CEP120: variants seen among roughly 807,000 people sequenced by gnomAD.
CEP120 encodes centrosomal protein 120.
In CEP120, 113 loss-of-function variants were observed where a neutral mutation model predicts 126.5. The ratio of observed to expected loss-of-function variants is 0.89; its 90% confidence interval spans 0.77 to 1.04. The LOEUF (loss-of-function observed/expected upper bound fraction) is 1.04, where lower values mean the gene tolerates loss of function less well. CEP120 is among the 50% of genes least tolerant of loss of function. CEP120 has a pLI of 0.00. For missense variants in CEP120, 1,230 were observed against 1,155.7 expected, an observed-to-expected ratio of 1.06 and a Z score of -0.93; for synonymous variants, 400 against 394.3, an observed-to-expected ratio of 1.01 and a Z score of -0.17.
intron 5 of CEP120, among the ~76,000 whole-genome samples, chr5:123,396,029 G>T (rs1418839641): frequency 7.0e-6 from 1 of 142,686 alleles, no homozygotes; most frequent in Admixed American, 7.4e-5. Context: ...TGGAGGTCTC[G>T]CTATGTTGCC....
intron 4 of CEP120, chr5:123,401,457 G>A (rs1773230458): frequency 1.5e-6 from 2 of 1,293,418 alleles, no homozygotes; most frequent in Non-Finnish European, 2.2e-6. Flanking sequence ...TTATCCCCAT[G>A]CTTCCCAGCC....
At chr5:123,385,933 A>G (rs1172042150) in intron 10 of CEP120, among the ~76,000 whole-genome samples, 1 of 152,106 alleles carries the variant, frequency 6.6e-6, no homozygotes, top group Non-Finnish European at 1.5e-5. Context: ...ACCACTTTCT[A>G]TGCAATAAAA....
rs560520072 is a variant in CEP120, at chr5:123,376,875, G to A, written c.2358+499C>T. Among the ~76,000 whole-genome samples the A allele has an allele frequency of 3.5e-3, 527 of 152,200 alleles. 3 individuals are homozygous for A. Among genetic ancestry groups the A allele is most frequent in the Non-Finnish European group, 6.3e-3 (431 of 67,988 alleles). On this transcript the variant is annotated intron_variant, in intron 16 of 19. Transcript: ENST00000306467. ...CTTGGAGGAAGTCCAACATGTAACG[G>A]CTAAAGGAAGACAAGCCTGCAAAAG...
At chr5:123,375,682 C>G (rs991230855) in intron 16 of CEP120, among the ~76,000 whole-genome samples, 11 of 152,072 alleles carry the variant, frequency 7.2e-5, no homozygotes, top group African/African-American at 2.4e-4. Context: ...CCTGGTGACT[C>G]TAATATGTGT....
intron 14 of CEP120, 116 bp downstream of exon 14, chr5:123,381,995 G>T: frequency 1.5e-6 from 1 of 657,784 alleles, no homozygotes; most frequent in Non-Finnish European, 2.5e-6. Flanking sequence ...CTTCTTCCAT[G>T]CCAACATATC....
At chr5:123,371,160 A>G (rs1217567917) in intron 17 of CEP120, among the ~76,000 whole-genome samples, 1 of 152,094 alleles carries the variant, frequency 6.6e-6, no homozygotes, top group Non-Finnish European at 1.5e-5. Context: ...ATGTTCCAAC[A>G]TTTGAAACTT....
At chr5:123,382,644 C>G in intron 13 of CEP120, 93 bp downstream of exon 13, 2 of 1,185,646 alleles carry the variant, frequency 1.7e-6, no homozygotes, top group African/African-American at 3.1e-5. Flanking sequence ...GATAAGGTAC[C>G]TACAGAACAT....
intron 17 of CEP120, among the ~76,000 whole-genome samples, chr5:123,371,706 G>T (rs947849624): frequency 2.0e-5 from 3 of 152,038 alleles, no homozygotes; most frequent in Non-Finnish European, 4.4e-5. Context: ...GAAAATAAAG[G>T]AAGTAGAGAG....
At chr5:123,363,194 A>C (rs1562007484) in intron 18 of CEP120, among the ~76,000 whole-genome samples, 1 of 151,494 alleles carries the variant, frequency 6.6e-6, no homozygotes, top group Non-Finnish European at 1.5e-5. Flanking sequence ...CAATTCCTCT[A>C]TTAAAATCTT....
chr5:123,406,197 C>G (rs1376949677), intron 4 of CEP120, among the ~76,000 whole-genome samples: 1 of 149,360 alleles, frequency 6.7e-6, no homozygotes, highest in Admixed American at 6.7e-5. Context: ...AACCACAGAA[C>G]AGAACAGAAC....
intron 4 of CEP120, chr5:123,401,877 T>C (rs1773267278): frequency 6.4e-7 from 1 of 1,552,948 alleles, no homozygotes; most frequent in Non-Finnish European, 8.8e-7. Flanking sequence ...CAGTTTCTCC[T>C]AGCCCAGAGT....
intron 5 of CEP120, among the ~76,000 whole-genome samples, chr5:123,396,454 G>A (rs1772797778): frequency 6.6e-6 from 1 of 151,566 alleles, no homozygotes; most frequent in African/African-American, 2.4e-5. Flanking sequence ...AACTGAAACA[G>A]TAATTTGTCC....
chr5:123,394,324 TA>T (rs1444399646), intron 5 of CEP120, among the ~76,000 whole-genome samples: 3 of 152,248 alleles, frequency 2.0e-5, no homozygotes, highest in African/African-American at 7.2e-5. Flanking sequence ...CAGGAGGGTA[TA>T]GGGGGAATAG....
intron 19 of CEP120, 98 bp downstream of exon 19, chr5:123,349,836 ATTTTATATAT>A (rs1416438530): frequency 2.3e-6 from 2 of 877,544 alleles, no homozygotes; most frequent in East Asian, 5.4e-5. Flanking sequence ...TGTCTGCTAC[ATTTTATATAT>A]TTTTATATAT....
intron 19 of CEP120, 63 bp from the exon 20 acceptor site, chr5:123,346,816 A>T: frequency 8.4e-7 from 1 of 1,191,038 alleles, no homozygotes; most frequent in South Asian, 1.8e-5. Context: ...GTCACTATTT[A>T]AAAACAAAAT....
At chr5:123,394,626 G>A (rs886135417) in intron 5 of CEP120, among the ~76,000 whole-genome samples, 1 of 152,134 alleles carries the variant, frequency 6.6e-6, no homozygotes, top group African/African-American at 2.4e-5. Context: ...AAAAATTACA[G>A]GACAGTTTGT....
intron 17 of CEP120, among the ~76,000 whole-genome samples, chr5:123,371,636 C>G (rs1389828497): frequency 1.3e-5 from 2 of 152,038 alleles, no homozygotes; most frequent in African/African-American, 4.8e-5. Flanking sequence ...CTGAAGGAAG[C>G]TGGAGAGAAG....
In CEP120 at chr5:123,401,977, A is replaced by G. The variant is rs1470810299; in HGVS notation, c.464-2693T>C. 11 of 1,601,090 alleles carry G rather than the reference A, an allele frequency of 6.9e-6. No individual in the cohort carries two copies. The Admixed American group carries it at 1.8e-4, about 27-fold the overall frequency. On this transcript the variant is annotated intron_variant, in intron 4 of 19. Transcript: ENST00000306467. ...GTCTTCTGCTGCTGCAGGAGGCTCC[A>G]CTTGGTCTCCAGCATCTTGTTCTGC...
intron 18 of CEP120, among the ~76,000 whole-genome samples, chr5:123,351,559 C>A (rs1769201718): frequency 6.6e-6 from 1 of 152,090 alleles, no homozygotes; most frequent in African/African-American, 2.4e-5. Flanking sequence ...ATAAGAATTA[C>A]AACAGCATTA....
Sources: allele counts gnomAD v4.1 joint callset (sites outside exome capture counted in the v4.1 genomes callset), GRCh38; gene constraint gnomAD v4.1.1; transcripts MANE v1.5; gene names NCBI Gene and HGNC (gene_info 2026-07-23, HGNC 2026-07-21).